The following FANCA variants were observed in gnomAD, a reference collection of about 807,000 sequenced individuals.
FANCA encodes the protein FA complementation group A.
Under a neutral mutation model 194.3 loss-of-function variants are expected in FANCA, and 236 were observed. That is an observed-to-expected ratio of 1.21 (90% CI 1.09 to 1.35). The LOEUF (loss-of-function observed/expected upper bound fraction) is 1.35, where lower values mean the gene tolerates loss of function less well. Ranked by LOEUF, FANCA falls within the 40% of genes most tolerant of loss-of-function variation. FANCA has a pLI of 0.00. For synonymous variants in FANCA, 1,014 were observed against 715.8 expected (o/e 1.42, Z -6.65); for missense variants, 2,628 against 1,813.9 (o/e 1.45, Z -8.15).
At position 89,805,379 on chromosome 16, in the gene FANCA, G is replaced by C. The variant is rs749380996; in HGVS notation, c.610C>G (p.His204Asp). Reference protein sequence around the residue: ...QELLESHPDMHAVGSWLFRNL... With the variant: ...QELLESHPDMDAVGSWLFRNL... ...CTGAAGAGCCACGATCCCACAGCAT[G>C]CATGTCGGGATGGCTGGAGACACAC... is the stretch of plus-strand genomic sequence containing the variant. Residue 204 changes from histidine to aspartate, a missense_variant, in exon 7 of 43, where the codon CAT (histidine) becomes GAT (aspartate). By Grantham distance (81) the His-to-Asp change is moderately conservative. Transcript: ENST00000389301. 1 of 1,613,184 alleles carries C rather than the reference G, an allele frequency of 6.2e-7. No individual in the cohort carries two copies. The highest frequency in any genetic ancestry group is 8.5e-7 in the Non-Finnish European group (1 of 1,179,332).
At chr16:89,804,676 G>A (rs1244682579) in intron 7 of FANCA, among the ~76,000 whole-genome samples, 5 of 152,096 alleles carry the variant, frequency 3.3e-5, no homozygotes, top group Admixed American at 6.6e-5. Flanking sequence ...GCCATCCTCT[G>A]GTCTCTCAGC....
At position 89,737,783 on chromosome 16, in the gene FANCA, C is replaced by T. The variant is rs1245964982; in HGVS notation, c.*818G>A. ...GAGGTTGGAGCATCAGGGGCCTGGA[C>T]TCACTGGACTCTCCCCTCTCAGAGG... On this transcript the variant is annotated 3_prime_UTR_variant, in exon 43 of 43. Transcript: ENST00000389301. 5 of 1,613,958 alleles carry T rather than the reference C, an allele frequency of 3.1e-6. No individual in the cohort carries two copies. The highest frequency in any genetic ancestry group is 3.4e-6 in the Non-Finnish European group (4 of 1,180,016).
In FANCA at chr16:89,737,947, G is replaced by C; in HGVS notation, c.*654C>G. ...ACCCCCTCCCAGGGCTGTGGCCCTC[G>C]CACCTTCTTATCTGCCTCTGTCCCC... On this transcript the variant is annotated 3_prime_UTR_variant, in exon 43 of 43. Coordinates refer to ENST00000389301, the MANE Select transcript of FANCA (RefSeq NM_000135.4). The C allele has an allele frequency of 1.2e-6, 2 of 1,614,022 alleles. No individual in the cohort carries two copies. The highest frequency in any genetic ancestry group is 1.6e-4 in the Middle Eastern group (1 of 6,062).
At chr16:89,767,673 C>A (rs139508379) in intron 26 of FANCA, among the ~76,000 whole-genome samples, 1 of 152,148 alleles carries the variant, frequency 6.6e-6, no homozygotes, top group African/African-American at 2.4e-5. Context: ...CTCAGTCTCC[C>A]GAGTAGCTGG....
rs45494792 is a variant in FANCA, at chr16:89,798,996, C to A, written c.893+170G>T. 6 of 1,613,950 alleles carry A rather than the reference C, an allele frequency of 3.7e-6. No individual in the cohort carries two copies. The African/African-American group carries it at 4.0e-5, about 11-fold the overall frequency. On this transcript the variant is annotated intron_variant, in intron 10 of 42. Coordinates refer to ENST00000389301, the MANE Select transcript of FANCA (RefSeq NM_000135.4). ...GGAAAAGGCTGACCAGAGCGTTCCC[C>A]GGGCTTTCCCATGGTCGCCTCCTCC...
chr16:89,774,754 A>AAAAAAAAAAAC (rs34932314), intron 21 of FANCA, among the ~76,000 whole-genome samples: 2 of 145,838 alleles, frequency 1.4e-5, no homozygotes, highest in Non-Finnish European at 3.0e-5. Flanking sequence ...AAAAAAAAAA[A>AAAAAAAAAAAC]TCTCAACGAG....
chr16:89,738,966 G>A lies in FANCA; in HGVS notation c.4176C>T (p.Pro1392=), dbSNP rs776860862. 9.9e-6 allele frequency: 16 copies of A among 1,614,186 alleles called. No individual in the cohort carries two copies. The highest frequency in any genetic ancestry group is 4.0e-5 in the African/African-American group (3 of 75,064). ...GACGAGCTTTTGTTATCAGTTCCAC[G>A]GGGTTGCCCTAGAGAGAAAACAGGC... ...RSLELKGQGN[P]VELITKARLF... Residue 1392 remains proline (P), a synonymous_variant, in exon 42 of 43, where the codon CCC becomes CCT. Transcript: ENST00000389301.
chr16:89,741,659 A>G (rs771631724), intron 37 of FANCA, among the ~76,000 whole-genome samples: 52 of 152,222 alleles, frequency 3.4e-4, no homozygotes, highest in Middle Eastern at 3.4e-3. Flanking sequence ...TGAGTCGAAC[A>G]TGGTCCCTGG....
At chr16:89,812,670 ACT>A (rs2040941669) in intron 3 of FANCA, among the ~76,000 whole-genome samples, 2 of 148,812 alleles carry the variant, frequency 1.3e-5, no homozygotes, top group African/African-American at 2.5e-5. Flanking sequence ...AAAAAAAAAA[ACT>A]GTTAACTGCA....
At chr16:89,788,813 A>G (rs1249661977) in intron 14 of FANCA, among the ~76,000 whole-genome samples, 1 of 152,162 alleles carries the variant, frequency 6.6e-6, no homozygotes, top group Non-Finnish European at 1.5e-5. Context: ...CACAAACAGA[A>G]AAAAACAAAA....
intron 23 of FANCA, 138 bp downstream of exon 23, chr16:89,771,540 G>T: frequency 1.1e-6 from 1 of 948,582 alleles, no homozygotes; most frequent in Non-Finnish European, 1.6e-6. Flanking sequence ...GTACACCGCT[G>T]CCTGGCCCTG....
Position 89,779,953 on chromosome 16 carries a change from T to C in FANCA, c.1631A>G (p.His544Arg). The C allele has an allele frequency of 8.7e-6, 14 of 1,614,076 alleles. No homozygotes were observed. The highest frequency in any genetic ancestry group is 1.2e-5 in the Non-Finnish European group (14 of 1,179,984). ...TTCAACATCCTGAAGAGCTTGGCTG[T>C]GGGGCTGGTTCCCATACAGGGAGGA... ...LSSAGDITEPHSQALQDVEKA... is the reference protein window; with the variant it reads ...LSSAGDITEPRSQALQDVEKA... Residue 544 changes from histidine to arginine, a missense_variant, in exon 18 of 43, where the codon CAC becomes CGC. By Grantham distance (29) the His-to-Arg change is conservative. Transcript: ENST00000389301.
rs1285658774 is a variant in FANCA, at chr16:89,770,642, G to C, written c.2152-8C>G. 4 of 1,604,410 alleles carry C rather than the reference G, an allele frequency of 2.5e-6. No homozygotes were observed. The highest frequency in any genetic ancestry group is 1.1e-5 in the South Asian group (1 of 89,326). ...CAGCAGGAGGTCCACAGCCTGCAGA[G>C]ACACAGTTCTCATGAGCGTGGTGTC... is the stretch of plus-strand genomic sequence containing the variant. On this transcript the variant is annotated splice_polypyrimidine_tract_variant and splice_region_variant and intron_variant, in intron 23 of 42. Coordinates refer to ENST00000389301, the MANE Select transcript of FANCA (RefSeq NM_000135.4).
At chr16:89,766,683 C>G (rs935059127) in intron 27 of FANCA, among the ~76,000 whole-genome samples, 4 of 151,564 alleles carry the variant, frequency 2.6e-5, no homozygotes, top group Non-Finnish European at 4.4e-5. Flanking sequence ...CCACTGCACT[C>G]CAGCCTGGGC....
chr16:89,811,140 T>C, intron 3 of FANCA, 69 bp from the exon 4 acceptor site: 1 of 1,600,076 alleles, frequency 6.2e-7, no homozygotes, highest in South Asian at 1.1e-5. Context: ...AAAGACTTGC[T>C]GTTTAAAATG....
At chr16:89,779,307 C>A (rs2039622722) in intron 18 of FANCA, among the ~76,000 whole-genome samples, 1 of 152,150 alleles carries the variant, frequency 6.6e-6, no homozygotes, top group Admixed American at 6.5e-5. Context: ...TTCCTTGGAG[C>A]TAAATTTCAA....
rs1224503095 is a variant in FANCA at position 89,791,935 on chromosome 16, A to C, written c.1217T>G (p.Leu406Arg). ...LVVCFPEAQQ[L>R]LEDWVARLMA... Reference sequence around the variant, plus strand: ...CTCGCGTAAAAGCTCACCTTCAAGCAGCTGCTGCGCTTCTGGAAAGCAGAC... The same window carrying C: ...CTCGCGTAAAAGCTCACCTTCAAGCCGCTGCTGCGCTTCTGGAAAGCAGAC... Residue 406 changes from leucine to arginine, a missense_variant, in exon 13 of 43, where the codon CTG (leucine) becomes CGG (arginine). By Grantham distance (102) the Leu-to-Arg change is moderately radical (BLOSUM62 -2). Coordinates refer to ENST00000389301, the MANE Select transcript of FANCA (RefSeq NM_000135.4). 6.2e-7 allele frequency: 1 copy of C among 1,614,190 alleles called. No homozygotes were observed.
At chr16:89,770,468 G>C (rs2039285263) in intron 24 of FANCA, 96 bp downstream of exon 24, 1 of 1,239,126 alleles carries the variant, frequency 8.1e-7, no homozygotes, top group South Asian at 1.3e-5. Flanking sequence ...TGCTCCTGCG[G>C]AGACGAGCTC....
chr16:89,784,989 C>A (rs2039849053), intron 14 of FANCA, 25 bp from the exon 15 acceptor site: 1 of 1,565,980 alleles, frequency 6.4e-7, no homozygotes, highest in African/African-American at 1.4e-5. Context: ...GAGCGTGAAG[C>A]CCAGGACAGC....
Sources: allele counts gnomAD v4.1 joint callset (sites outside exome capture counted in the v4.1 genomes callset), GRCh38; gene constraint gnomAD v4.1.1; transcripts MANE v1.5; gene names NCBI Gene and HGNC (gene_info 2026-07-23, HGNC 2026-07-21).